The following PIWIL2 variants were observed in gnomAD, a reference collection of about 807,000 sequenced individuals.
PIWIL2 encodes piwi like RNA-mediated gene silencing 2.
A neutral mutation model predicts 116.5 loss-of-function variants in PIWIL2; 81 were observed. The ratio of observed to expected loss-of-function variants is 0.70; its 90% CI spans 0.58 to 0.84. PIWIL2 has a LOEUF of 0.84. Among genes scored for constraint, PIWIL2 ranks in the 40% least tolerant of loss-of-function variants. The pLI, the probability that PIWIL2 is intolerant of heterozygous loss-of-function variation, is 0.00. For synonymous variants in PIWIL2, 489 were observed against 429.5 expected, an observed-to-expected ratio of 1.14 and a Z score of -1.71; for missense variants, 1,272 against 1,212.3, an observed-to-expected ratio of 1.05 and a Z score of -0.73.
chr8:22,278,468 CATG>C (rs1424493100), intron 1 of PIWIL2, among the ~76,000 whole-genome samples: 1 of 152,294 alleles, frequency 6.6e-6, no homozygotes, highest in African/African-American at 2.4e-5. Flanking sequence ...TGCAGTGAGC[CATG>C]ATCATGCCAC....
intron 10 of PIWIL2, among the ~76,000 whole-genome samples, chr8:22,297,785 T>C (rs1420731060): frequency 3.9e-5 from 6 of 152,126 alleles, no homozygotes; most frequent in Admixed American, 3.3e-4. Flanking sequence ...ATTTTTACAG[T>C]TGGGTTGCTG....
chr8:22,312,457 G>A (rs1831356759), intron 16 of PIWIL2, among the ~76,000 whole-genome samples: 2 of 151,996 alleles, frequency 1.3e-5, no homozygotes, highest in African/African-American at 4.8e-5. Context: ...ATAGAGGTAG[G>A]GTTTCACTAT....
At chr8:22,327,853 ATACTC>A (rs1199847417) in intron 20 of PIWIL2, among the ~76,000 whole-genome samples, 2 of 152,156 alleles carry the variant, frequency 1.3e-5, no homozygotes, top group Non-Finnish European at 2.9e-5. Context: ...TCTGGAAACT[ATACTC>A]TTATCTGATG....
intron 18 of PIWIL2, among the ~76,000 whole-genome samples, 196 bp from the exon 19 acceptor site, chr8:22,316,049 C>T (rs1831450814): frequency 6.6e-6 from 1 of 152,140 alleles, no homozygotes; most frequent in Non-Finnish European, 1.5e-5. Context: ...TTTGCTGATC[C>T]CTGATCTAGA....
intron 20 of PIWIL2, chr8:22,321,929 C>T (rs999351242): frequency 1.1e-4 from 112 of 985,156 alleles, no homozygotes; most frequent in Non-Finnish European, 1.2e-4. Flanking sequence ...CATCACGGCT[C>T]GCTAGTCCAA....
At position 22,334,060 on chromosome 8, in the gene PIWIL2, G is replaced by T. The variant is rs773972088; in HGVS notation, c.2403+15785G>T. Reference sequence around the variant, plus strand: ...AGGATCTCAGCTCACTGCAACCTCCGCCTTGTGGGTTCAAGCAATTCTTGT... The same window carrying T: ...AGGATCTCAGCTCACTGCAACCTCCTCCTTGTGGGTTCAAGCAATTCTTGT... On this transcript the variant is annotated intron_variant, in intron 20 of 22. Transcript: ENST00000356766. 5.3e-5 allele frequency among the ~76,000 whole-genome samples: 8 copies of T among 150,840 alleles called. No individual in the cohort carries two copies. In the East Asian group the frequency reaches 1.6e-3, roughly 30 times the overall value.
intron 20 of PIWIL2, among the ~76,000 whole-genome samples, chr8:22,340,045 A>ATTTTTTTT (rs10626386): frequency 1.9e-4 from 18 of 93,766 alleles, no homozygotes; most frequent in East Asian, 3.9e-4. Flanking sequence ...TATAAAAAGA[A>ATTTTTTTT]TTTTTTTTTT....
intron 16 of PIWIL2, 55 bp downstream of exon 16, chr8:22,311,355 A>T (rs1388651599): frequency 7.2e-7 from 1 of 1,393,394 alleles, no homozygotes; most frequent in East Asian, 2.3e-5. Flanking sequence ...TTACTTAAAT[A>T]CTTAATTTTA....
chr8:22,287,095 A>AG (rs1251340260), intron 6 of PIWIL2, among the ~76,000 whole-genome samples: 2 of 151,720 alleles, frequency 1.3e-5, no homozygotes, highest in Admixed American at 6.6e-5. Flanking sequence ...AAAAAAAAAA[A>AG]GGGAGATGGG....
At chr8:22,354,196 A>C (rs1832438709) in intron 21 of PIWIL2, 75 bp from the exon 22 acceptor site, 1 of 961,020 alleles carries the variant, frequency 1.0e-6, no homozygotes, top group East Asian at 2.4e-5. Context: ...AGGAGCTAGA[A>C]CGATCTCCAG....
intron 20 of PIWIL2, among the ~76,000 whole-genome samples, chr8:22,324,911 T>A (rs1215801234): frequency 6.6e-6 from 1 of 152,146 alleles, no homozygotes; most frequent in Non-Finnish European, 1.5e-5. Flanking sequence ...GAGAGAGGCA[T>A]GAACAGATCT....
chr8:22,320,226 G>T (rs1295455845), intron 20 of PIWIL2, among the ~76,000 whole-genome samples: 1 of 147,660 alleles, frequency 6.8e-6, no homozygotes, highest in Non-Finnish European at 1.5e-5. Flanking sequence ...CTCCCAAAGT[G>T]CTAGGATTAC....
rs1372455292 is a variant in PIWIL2 at position 22,355,810 on chromosome 8, A to T, written c.*305A>T. ...ACCTCCAGACCGGGTGCGGTGGTTC[A>T]CACCTGTAATCCAAGCACTTTGGGA... is the stretch of plus-strand genomic sequence containing the variant. On this transcript the variant is annotated 3_prime_UTR_variant, in exon 23 of 23. Coordinates refer to ENST00000356766, the MANE Select transcript of PIWIL2 (RefSeq NM_018068.5). 1 of 321,200 alleles carries T rather than the reference A, an allele frequency of 3.1e-6. No homozygotes were observed. The highest frequency in any genetic ancestry group is 6.3e-5 in the East Asian group (1 of 15,758). The allele number at this position is 321,200 out of a possible 1,614,324, so 19.9% of individuals were successfully genotyped here. A position where few individuals can be genotyped will look rare whatever the true frequency, so the allele number is the denominator to read the frequency against.
intron 16 of PIWIL2, among the ~76,000 whole-genome samples, chr8:22,312,524 C>A (rs560283509): frequency 1.3e-5 from 2 of 152,218 alleles, no homozygotes; most frequent in African/African-American, 4.8e-5. Flanking sequence ...CCTCAACCTC[C>A]CAAAGCAGTG....
intron 20 of PIWIL2, among the ~76,000 whole-genome samples, chr8:22,328,144 T>C (rs1429915338): frequency 2.6e-5 from 4 of 152,224 alleles, no homozygotes; most frequent in African/African-American, 4.8e-5. Context: ...TCCAGTTTTA[T>C]TCTTTCGCAT....
At chr8:22,296,926 G>A (rs968084188) in intron 10 of PIWIL2, among the ~76,000 whole-genome samples, 11 of 151,026 alleles carry the variant, frequency 7.3e-5, no homozygotes, top group Middle Eastern at 3.4e-3. Flanking sequence ...TAAAATTCTG[G>A]ATTTGGCAGT....
chr8:22,321,602 C>G (rs1272966558), intron 20 of PIWIL2, among the ~76,000 whole-genome samples: 5 of 152,162 alleles, frequency 3.3e-5, no homozygotes, highest in African/African-American at 4.8e-5. Context: ...TGTAGTCCCA[C>G]TTCTTCAGGA....
rs753622262 is a variant in PIWIL2 at position 22,283,139 on chromosome 8, G to A, written c.531G>A (p.Pro177=). 19 of 1,613,948 alleles carry A rather than the reference G, an allele frequency of 1.2e-5. No individual in the cohort carries two copies. Among genetic ancestry groups the A allele is most frequent in the East Asian group, 2.2e-5 (1 of 44,878 alleles). Residue 177 remains proline (P), a synonymous_variant, in exon 5 of 23, where the codon CCG becomes CCA. Coordinates refer to ENST00000356766, the MANE Select transcript of PIWIL2 (RefSeq NM_018068.5). ...AGCCTCCCTGTACCTTCAGCACACC[G>A]TCCCGGGGTCCCCCGCAGCTGTCAT... ...VDKPPCTFST[P]SRGPPQLSSP...
At position 22,355,485 on chromosome 8, in the gene PIWIL2, G is replaced by A. The variant is rs768769441; in HGVS notation, c.2902G>A (p.Glu968Lys). The change falls in exon 23 of 23, where the codon GAG becomes AAG. Residue 968 changes from glutamate (E) to lysine (K), a missense_variant. Physicochemically the swap from Glu to Lys is moderately conservative, Grantham distance 56 (BLOSUM62 1). Coordinates refer to ENST00000356766, the MANE Select transcript of PIWIL2 (RefSeq NM_018068.5). ...TCATGAACCAGCCATCCAGCTGTGC[G>A]AGAACCTGTTCTTCCTGTGACTGCA... is the stretch of plus-strand genomic sequence containing the variant. Reference protein sequence around the residue: ...LHHEPAIQLCENLFFL With the variant: ...LHHEPAIQLCKNLFFL 2.3e-5 allele frequency: 37 copies of A among 1,613,984 alleles called. No individual in the cohort carries two copies. The highest frequency in any genetic ancestry group is 3.0e-5 in the Non-Finnish European group (35 of 1,180,030).
Sources: allele counts gnomAD v4.1 joint callset (sites outside exome capture counted in the v4.1 genomes callset), GRCh38; gene constraint gnomAD v4.1.1; transcripts MANE v1.5; gene names NCBI Gene and HGNC (gene_info 2026-07-23, HGNC 2026-07-21).